RAP1GAP2: variants seen among roughly 807,000 people sequenced by gnomAD.
The protein encoded by RAP1GAP2 is RAP1 GTPase activating protein 2.
In RAP1GAP2, 27 loss-of-function variants were observed where a neutral mutation model predicts 95.0. The observed-to-expected ratio is 0.28, with a 90% CI of 0.21 to 0.39. The LOEUF (loss-of-function observed/expected upper bound fraction) is 0.39. Among genes scored for constraint, RAP1GAP2 ranks in the 10% least tolerant of loss-of-function variants. RAP1GAP2 has a pLI of 1.00. For missense variants in RAP1GAP2, 771 were observed against 970.0 expected, an observed-to-expected ratio of 0.79 and a Z score of 2.72; for synonymous variants, 373 against 380.9, an observed-to-expected ratio of 0.98 and a Z score of 0.24.
chr17:2,836,979 G>A (rs2071158770), intron 2 of RAP1GAP2, among the ~76,000 whole-genome samples: 2 of 151,844 alleles, frequency 1.3e-5, no homozygotes, highest in African/African-American at 2.4e-5. Context: ...GGCCAGTAAC[G>A]GTGGCTCACA....
At chr17:2,952,231 C>T (rs893794580) in intron 3 of RAP1GAP2, among the ~76,000 whole-genome samples, 4 of 152,104 alleles carry the variant, frequency 2.6e-5, no homozygotes, top group Non-Finnish European at 4.4e-5. Context: ...TCATCTTGTT[C>T]AAAACTCTAT....
At chr17:2,969,993 G>A (rs2044786292) in intron 8 of RAP1GAP2, among the ~76,000 whole-genome samples, 4 of 151,762 alleles carry the variant, frequency 2.6e-5, no homozygotes, top group Admixed American at 2.0e-4. Flanking sequence ...CATCCCCTGG[G>A]CCGGGCATCG....
At chr17:3,015,546 T>C (rs1162515512) in intron 17 of RAP1GAP2, among the ~76,000 whole-genome samples, 1 of 152,066 alleles carries the variant, frequency 6.6e-6, no homozygotes, top group Non-Finnish European at 1.5e-5. Flanking sequence ...AGGCTGGGCG[T>C]GGTGGCTCAC....
intron 3 of RAP1GAP2, among the ~76,000 whole-genome samples, chr17:2,918,432 CAAAA>C (rs533808717): frequency 6.1e-5 from 4 of 65,418 alleles, no homozygotes; most frequent in Admixed American, 1.8e-4. Flanking sequence ...GACTCCATCT[CAAAA>C]AAAAAAAAAA....
chr17:2,958,398 T>C (rs568438878), intron 4 of RAP1GAP2, among the ~76,000 whole-genome samples: 17 of 152,120 alleles, frequency 1.1e-4, no homozygotes, highest in African/African-American at 3.9e-4. Flanking sequence ...GGGTCAGGGC[T>C]CCCAGGTAAG....
chr17:2,866,464 A>C lies in RAP1GAP2; in HGVS notation c.81-38820A>C, dbSNP rs74551493. ...ACAGAGTCAGTCAGTGTTATACATG[A>C]AACAATTCTGTAACATTTGTGTTAT... is the stretch of plus-strand genomic sequence containing the variant. On this transcript the variant is annotated intron_variant, in intron 2 of 24. Transcript: ENST00000254695. This position sits in a 1 kb window ranked among gnomAD's most constrained non-coding sequence, Gnocchi z 4.0. 0.014 allele frequency among the ~76,000 whole-genome samples: 2,077 copies of C among 152,340 alleles called. 38 individuals carry two copies. The highest frequency in any genetic ancestry group is 0.046 in the African/African-American group (1,931 of 41,578).
At chr17:3,031,084 C>T in intron 23 of RAP1GAP2, 86 bp downstream of exon 23, 1 of 1,387,646 alleles carries the variant, frequency 7.2e-7, no homozygotes, top group Non-Finnish European at 9.9e-7. Context: ...AGGGTTCAGA[C>T]ATCCCAGAGG....
intron 1 of RAP1GAP2, among the ~76,000 whole-genome samples, chr17:2,762,102 C>T (rs2151756903): frequency 7.0e-6 from 1 of 142,888 alleles, no homozygotes; most frequent in South Asian, 2.4e-4. Flanking sequence ...CATTCTCTAT[C>T]TCAGCCTCCC....
intron 2 of RAP1GAP2, among the ~76,000 whole-genome samples, chr17:2,833,714 A>G (rs2071010253): frequency 6.6e-6 from 1 of 151,554 alleles, no homozygotes; most frequent in Admixed American, 6.6e-5. Flanking sequence ...AAAAAAAAGA[A>G]AAGTGCCACA....
Position 2,838,545 on chromosome 17 carries a change from T to C in RAP1GAP2, c.80+37995T>C, listed in dbSNP as rs565068670. 1.7e-3 allele frequency among the ~76,000 whole-genome samples: 254 copies of C among 152,286 alleles called. 1 individual carries two copies. The highest frequency in any genetic ancestry group is 3.1e-3 in the Non-Finnish European group (213 of 68,022). On this transcript the variant is annotated intron_variant, in intron 2 of 24. Transcript: ENST00000254695. ...ACTGGGTTGTTGACCCCTCGGGATG[T>C]GTGGGGTGATTCTTCCACAGATGAA...
intron 2 of RAP1GAP2, among the ~76,000 whole-genome samples, chr17:2,850,829 G>A (rs1001906779): frequency 4.6e-5 from 7 of 151,512 alleles, no homozygotes; most frequent in African/African-American, 1.7e-4. Context: ...GGGAGGCCAA[G>A]GCAGGCGGAT....
intron 1 of RAP1GAP2, chr17:2,755,825 C>A: frequency 2.9e-6 from 1 of 348,088 alleles, no homozygotes; most frequent in South Asian, 1.4e-4. Flanking sequence ...GAGGCCCGGC[C>A]GGCGCGGGAA....
At chr17:2,935,544 T>C (rs1211073477) in intron 3 of RAP1GAP2, among the ~76,000 whole-genome samples, 2 of 152,152 alleles carry the variant, frequency 1.3e-5, no homozygotes, top group Non-Finnish European at 2.9e-5. Context: ...CCCACATCTT[T>C]AGTCAAGGGT....
chr17:2,971,487 C>G (rs2044864852), intron 8 of RAP1GAP2, among the ~76,000 whole-genome samples: 1 of 152,066 alleles, frequency 6.6e-6, no homozygotes, highest in Admixed American at 6.6e-5. Flanking sequence ...GTAATCCCAG[C>G]GTTTTGGGCG....
intron 1 of RAP1GAP2, among the ~76,000 whole-genome samples, chr17:2,784,018 G>A (rs1210052569): frequency 6.6e-6 from 1 of 152,128 alleles, no homozygotes; most frequent in Non-Finnish European, 1.5e-5. Context: ...TGTTGCCCAG[G>A]GTGGAATGCA....
At position 3,033,490 on chromosome 17, in the gene RAP1GAP2, G is replaced by A. The variant is rs28505372; in HGVS notation, c.*129G>A. ...CCCAGCCCTGCTGCCCCATGGCCAC[G>A]TGCCCACAGATGTGCTGTTGGTCCA... On this transcript the variant is annotated 3_prime_UTR_variant, in exon 25 of 25. Transcript: ENST00000254695. This position sits in a 1 kb window ranked among gnomAD's most constrained non-coding sequence, Gnocchi z 4.9. The A allele has an allele frequency of 7.1e-3, 1,089 of 153,358 alleles. 8 individuals carry two copies. Among genetic ancestry groups the A allele is most frequent in the Admixed American group, 0.033 (505 of 15,286 alleles). 9.5% of individuals were successfully genotyped at this position (153,358 alleles called of 1,614,324 possible).
chr17:3,019,825 T>C lies in RAP1GAP2; in HGVS notation c.1633-652T>C, dbSNP rs562180759. 2.9e-4 allele frequency among the ~76,000 whole-genome samples: 44 copies of C among 152,230 alleles called. No homozygotes were observed. The South Asian group carries it at 4.6e-3, about 16-fold the overall frequency. On this transcript the variant is annotated intron_variant, in intron 18 of 24. Coordinates refer to ENST00000254695, the MANE Select transcript of RAP1GAP2 (RefSeq NM_015085.5). ...GGAGCTGGGGCCTGAGTTGGAGGCT[T>C]GGTGGCCTCTAGAGGTTGGTTCCAG...
At chr17:2,775,419 C>G (rs2068477651), upstream of RAP1GAP2, among the ~76,000 whole-genome samples, 1 of 151,152 alleles carries the variant, frequency 6.6e-6, no homozygotes, top group Admixed American at 6.7e-5. Context: ...GACATGTGAG[C>G]TGAGTCCTGA....
At chr17:3,017,916 C>T (rs1027725589) in intron 17 of RAP1GAP2, 145 bp from the exon 18 acceptor site, 17 of 562,128 alleles carry the variant, frequency 3.0e-5, no homozygotes, top group East Asian at 3.7e-5. Flanking sequence ...CCTCTGTGAC[C>T]GTGTGTGTGT....
Sources: gnomAD v4.1 joint callset for allele counts (sites outside exome capture counted in the v4.1 genomes callset) on GRCh38, gnomAD v4.1.1 for gene constraint, Gnocchi (gnomAD v3.1) non-coding constraint, MANE v1.5 for transcripts, NCBI Gene and HGNC (gene_info 2026-07-23, HGNC 2026-07-21) for gene names.